The following SPAG16 variants were observed in gnomAD, a reference collection of about 807,000 sequenced individuals.
SPAG16 encodes sperm-associated antigen 16 protein.
SPAG16 carries 86 observed loss-of-function variants against 80.4 expected under a neutral mutation model. The observed-to-expected ratio is 1.07, with a 90% CI of 0.90 to 1.28. The LOEUF (loss-of-function observed/expected upper bound fraction) is 1.28. Ranked by LOEUF, SPAG16 falls within the 50% of genes most tolerant of loss-of-function variation. The pLI, the probability that SPAG16 is intolerant of heterozygous loss-of-function variation, is 0.00. For missense variants in SPAG16, 870 were observed against 765.3 expected (o/e 1.14, Z -1.61); for synonymous variants, 294 against 265.9 (o/e 1.11, Z -1.03).
chr2:214,121,949 A>T (rs1003070882), intron 14 of SPAG16, among the ~76,000 whole-genome samples: 4 of 151,896 alleles, frequency 2.6e-5, no homozygotes, highest in African/African-American at 9.6e-5. Context: ...GAAATCTCAA[A>T]CATTTCTATT....
rs149922624 is a variant in SPAG16 at position 213,712,277 on chromosome 2, A to G, written c.1071-150208A>G. On this transcript the variant is annotated intron_variant, in intron 10 of 15. Transcript: ENST00000331683. ...CACTCATTTATTATTTATTCAACAA[A>G]TATTTATGTTCACTGAAACTGAGCT... Among the ~76,000 whole-genome samples the G allele has an allele frequency of 2.3e-4, 35 of 152,274 alleles. No individual in the cohort carries two copies. In the East Asian group the frequency reaches 6.4e-3, roughly 28 times the overall value.
At chr2:213,995,119 T>C (rs1337731201) in intron 12 of SPAG16, among the ~76,000 whole-genome samples, 1 of 152,210 alleles carries the variant, frequency 6.6e-6, no homozygotes, top group Non-Finnish European at 1.5e-5. Context: ...TTCATAAGCA[T>C]AGATTAATTA....
At chr2:214,352,365 G>A (rs911630947) in intron 15 of SPAG16, among the ~76,000 whole-genome samples, 2 of 152,102 alleles carry the variant, frequency 1.3e-5, no homozygotes, top group East Asian at 1.9e-4. Context: ...CAGTATATTT[G>A]AAGGATAAAT....
intron 10 of SPAG16, among the ~76,000 whole-genome samples, chr2:213,511,353 A>G (rs1381298504): frequency 6.6e-6 from 1 of 152,174 alleles, no homozygotes; most frequent in African/African-American, 2.4e-5. Flanking sequence ...AGGCTAGTTT[A>G]AAATAAAATA....
intron 11 of SPAG16, among the ~76,000 whole-genome samples, chr2:213,901,147 T>G (rs1489095714): frequency 1.3e-5 from 2 of 152,198 alleles, no homozygotes; most frequent in East Asian, 3.8e-4. Context: ...TTAAAATGCA[T>G]GTAATATGCC....
intron 13 of SPAG16, among the ~76,000 whole-genome samples, chr2:214,052,031 A>G (rs771353585): frequency 3.3e-5 from 5 of 152,318 alleles, no homozygotes; most frequent in African/African-American, 9.6e-5. Context: ...AAATACTTGT[A>G]TCATATTCTC....
At chr2:213,857,311 A>G (rs2075219683) in intron 10 of SPAG16, among the ~76,000 whole-genome samples, 1 of 152,244 alleles carries the variant, frequency 6.6e-6, no homozygotes, top group Non-Finnish European at 1.5e-5. Context: ...GGTAAAGTCA[A>G]TGCTTGGCTT....
chr2:213,826,029 G>T (rs892364619), intron 10 of SPAG16, among the ~76,000 whole-genome samples: 2 of 151,746 alleles, frequency 1.3e-5, no homozygotes, highest in East Asian at 1.9e-4. Flanking sequence ...CTAAGTTTTT[G>T]AATGTATTGG....
intron 12 of SPAG16, among the ~76,000 whole-genome samples, chr2:213,932,742 G>A (rs1342530423): frequency 6.6e-6 from 1 of 152,070 alleles, no homozygotes. Flanking sequence ...GGATCACTGT[G>A]AAGCATCAAC....
At chr2:213,854,564 G>A (rs4450543) in intron 10 of SPAG16, among the ~76,000 whole-genome samples, 52,080 of 151,800 alleles carry the variant, frequency 0.34, 9,324 homozygotes, top group South Asian at 0.47. Flanking sequence ...TCTCTGTGCT[G>A]TGACAATGTT....
At chr2:214,091,901 A>C (rs1350064064) in intron 13 of SPAG16, among the ~76,000 whole-genome samples, 1 of 152,034 alleles carries the variant, frequency 6.6e-6, no homozygotes, top group East Asian at 1.9e-4. Context: ...TCCAAATTCA[A>C]CAGAAAAGAA....
At chr2:213,347,322 T>C (rs1245948723) in intron 6 of SPAG16, among the ~76,000 whole-genome samples, 1 of 152,168 alleles carries the variant, frequency 6.6e-6, no homozygotes, top group African/African-American at 2.4e-5. Flanking sequence ...TTTGTTGATC[T>C]TTTCAAAAAA....
chr2:214,007,555 C>T (rs1423810540), intron 12 of SPAG16, among the ~76,000 whole-genome samples: 1 of 152,118 alleles, frequency 6.6e-6, no homozygotes, highest in Non-Finnish European at 1.5e-5. Flanking sequence ...TGGTAGAAAA[C>T]ATCTGCTGTC....
chr2:213,572,487 G>A (rs1464433350), intron 10 of SPAG16, among the ~76,000 whole-genome samples: 1 of 150,188 alleles, frequency 6.7e-6, no homozygotes, highest in African/African-American at 2.5e-5. Flanking sequence ...GTCTGTTGGA[G>A]TACCCTGCCG....
At chr2:213,785,678 T>C (rs898092247) in intron 10 of SPAG16, among the ~76,000 whole-genome samples, 2 of 152,190 alleles carry the variant, frequency 1.3e-5, no homozygotes, top group African/African-American at 2.4e-5. Flanking sequence ...AGTACATAAT[T>C]AATAAATGAA....
chr2:213,830,052 C>T (rs1022250277), intron 10 of SPAG16, among the ~76,000 whole-genome samples: 2 of 152,158 alleles, frequency 1.3e-5, no homozygotes, highest in Admixed American at 6.6e-5. Context: ...CCACTGGCTC[C>T]ATTGCCAGCA....
In SPAG16 at chr2:214,375,872, A is replaced by G. The variant is rs370285071; in HGVS notation, c.1721-34268A>G. 3.4e-4 allele frequency among the ~76,000 whole-genome samples: 52 copies of G among 152,250 alleles called. 1 individual carries two copies. In the South Asian group the frequency reaches 5.4e-3, roughly 16 times the overall value. On this transcript the variant is annotated intron_variant, in intron 15 of 15. Coordinates refer to ENST00000331683, the MANE Select transcript of SPAG16 (RefSeq NM_024532.5). ...AGAAATGGAGAAGGAAGATTTCACT[A>G]TGTTTGTATTGATTTCACAAGTTAA...
intron 15 of SPAG16, among the ~76,000 whole-genome samples, chr2:214,188,380 A>G (rs371115120): frequency 7.9e-5 from 12 of 152,324 alleles, no homozygotes; most frequent in Middle Eastern, 3.4e-3. Context: ...ATTACAAAGT[A>G]TGTGTCACCT....
chr2:213,930,592 T>C (rs888675977), intron 12 of SPAG16, among the ~76,000 whole-genome samples: 1 of 152,226 alleles, frequency 6.6e-6, no homozygotes, highest in Non-Finnish European at 1.5e-5. Context: ...ATATTCTTGA[T>C]TAAATGTTTC....
Sources: gnomAD v4.1 joint callset for allele counts (sites outside exome capture counted in the v4.1 genomes callset) on GRCh38, gnomAD v4.1.1 for gene constraint, MANE v1.5 for transcripts, NCBI Gene and HGNC (gene_info 2026-07-23, HGNC 2026-07-21) for gene names.